Variants in GPC6 observed in about 807,000 individuals in gnomAD.
GPC6 encodes glypican-6.
Under a neutral mutation model 55.2 loss-of-function variants are expected in GPC6, and 14 were observed. The ratio of observed to expected loss-of-function variants is 0.25; its 90% CI spans 0.17 to 0.40. The LOEUF (loss-of-function observed/expected upper bound fraction) is 0.40, where lower values mean the gene tolerates loss of function less well. GPC6 is among the 10% of genes least tolerant of loss of function. The pLI is 1.00. For synonymous variants in GPC6, 278 were observed against 259.6 expected (o/e 1.07, Z -0.68); for missense variants, 641 against 708.5 (o/e 0.90, Z 1.08).
At chr13:93,633,026 C>T (rs1879526299) in intron 2 of GPC6, among the ~76,000 whole-genome samples, 1 of 152,102 alleles carries the variant, frequency 6.6e-6, no homozygotes, top group Admixed American at 6.6e-5. Flanking sequence ...TTTGATTTTT[C>T]AAAACAGATG....
At chr13:93,971,308 T>C (rs1038099179) in intron 3 of GPC6, among the ~76,000 whole-genome samples, 1 of 152,196 alleles carries the variant, frequency 6.6e-6, no homozygotes, top group African/African-American at 2.4e-5. Context: ...ATTCTCTATA[T>C]AATAGGAATG....
chr13:93,770,072 G>T (rs921091158), intron 2 of GPC6, among the ~76,000 whole-genome samples: 1 of 152,050 alleles, frequency 6.6e-6, no homozygotes, highest in Non-Finnish European at 1.5e-5. Context: ...CCCTATTTAG[G>T]GTTGAAGATG....
intron 2 of GPC6, among the ~76,000 whole-genome samples, chr13:93,712,709 C>G (rs1039935370): frequency 6.6e-6 from 1 of 151,438 alleles, no homozygotes. Flanking sequence ...TGTATGCCTA[C>G]CCAATTTATA....
At chr13:94,165,098 C>T (rs535034379) in intron 4 of GPC6, among the ~76,000 whole-genome samples, 1 of 151,856 alleles carries the variant, frequency 6.6e-6, no homozygotes, top group South Asian at 2.1e-4. Flanking sequence ...GCTGCACATA[C>T]ATGTTTATAG....
chr13:93,430,816 C>T (rs1877328277), intron 1 of GPC6, among the ~76,000 whole-genome samples: 1 of 152,130 alleles, frequency 6.6e-6, no homozygotes, highest in African/African-American at 2.4e-5. Flanking sequence ...AGCTATTCTA[C>T]ATTTGAAATT....
At chr13:93,521,877 A>G (rs1594233666) in intron 1 of GPC6, among the ~76,000 whole-genome samples, 2 of 152,056 alleles carry the variant, frequency 1.3e-5, no homozygotes, top group Non-Finnish European at 2.9e-5. Flanking sequence ...AGTTTATTTT[A>G]TCATATGCTA....
At chr13:93,566,153 G>C (rs1249368178) in intron 2 of GPC6, among the ~76,000 whole-genome samples, 1 of 152,170 alleles carries the variant, frequency 6.6e-6, no homozygotes, top group Non-Finnish European at 1.5e-5. Flanking sequence ...AAGAGGCAGA[G>C]ATATGCTGTA....
intron 4 of GPC6, among the ~76,000 whole-genome samples, chr13:94,217,833 A>G (rs1212174837): frequency 6.6e-6 from 1 of 152,188 alleles, no homozygotes; most frequent in African/African-American, 2.4e-5. Flanking sequence ...AAATGACTTA[A>G]TCTCTCAAGG....
At chr13:93,532,918 A>C (rs1290630860) in intron 1 of GPC6, among the ~76,000 whole-genome samples, 1 of 152,194 alleles carries the variant, frequency 6.6e-6, no homozygotes, top group Non-Finnish European at 1.5e-5. Flanking sequence ...TAGCATTTAA[A>C]GTTTTTATCA....
chr13:94,118,082 G>C (rs1886496335), intron 4 of GPC6, among the ~76,000 whole-genome samples: 1 of 152,030 alleles, frequency 6.6e-6, no homozygotes, highest in African/African-American at 2.4e-5. Flanking sequence ...GAATATGGAA[G>C]AAATATGAAG....
chr13:93,440,380 T>C (rs984708795), intron 1 of GPC6, among the ~76,000 whole-genome samples: 22 of 152,236 alleles, frequency 1.4e-4, no homozygotes, highest in African/African-American at 4.6e-4. Flanking sequence ...TTTTCATCTG[T>C]GGGTTTTATT....
intron 6 of GPC6, among the ~76,000 whole-genome samples, chr13:94,327,758 T>C (rs1441317335): frequency 2.6e-5 from 4 of 152,212 alleles, no homozygotes; most frequent in Non-Finnish European, 4.4e-5. Context: ...GGAAGTGTGA[T>C]ACCCAGTAAA....
At chr13:94,103,373 A>G (rs899540970) in intron 4 of GPC6, among the ~76,000 whole-genome samples, 1 of 152,210 alleles carries the variant, frequency 6.6e-6, no homozygotes, top group East Asian at 1.9e-4. Context: ...TTATAGCACC[A>G]TGATTTATAA....
intron 1 of GPC6, among the ~76,000 whole-genome samples, chr13:93,319,046 C>T (rs1417208000): frequency 6.6e-6 from 1 of 152,026 alleles, no homozygotes; most frequent in Non-Finnish European, 1.5e-5. Context: ...TGAGATATCC[C>T]ATCAATTACT....
chr13:94,280,063 T>C (rs938056919), intron 4 of GPC6, among the ~76,000 whole-genome samples: 2 of 152,180 alleles, frequency 1.3e-5, no homozygotes, highest in Non-Finnish European at 2.9e-5. Context: ...CCACTATTAT[T>C]GTGTGAGAGT....
At position 93,951,857 on chromosome 13, in the gene GPC6, G is replaced by A. The variant is rs143048163; in HGVS notation, c.712-75872G>A. ...GGAAGATTCCTGGAGATCATTAGAAGCAAAGGATGAAACAGTGGACATGTT... is the reference window on the plus strand; with the variant it reads ...GGAAGATTCCTGGAGATCATTAGAAACAAAGGATGAAACAGTGGACATGTT... On this transcript the variant is annotated intron_variant, in intron 3 of 8. Coordinates refer to ENST00000377047, the MANE Select transcript of GPC6 (RefSeq NM_005708.5). Among the ~76,000 whole-genome samples the A allele has an allele frequency of 2.2e-3, 331 of 152,206 alleles. 1 individual carries two copies. The highest frequency in any genetic ancestry group is 7.9e-3 in the African/African-American group (327 of 41,552).
intron 3 of GPC6, among the ~76,000 whole-genome samples, chr13:94,003,858 T>C (rs946224877): frequency 2.0e-5 from 3 of 152,190 alleles, no homozygotes; most frequent in African/African-American, 4.8e-5. Context: ...AGTCTCACTT[T>C]TGAAATTGGA....
chr13:93,667,748 T>TTTTTTTTTTTTTC (rs1555322121), intron 2 of GPC6, among the ~76,000 whole-genome samples: 44 of 151,314 alleles, frequency 2.9e-4, no homozygotes, highest in African/African-American at 1.0e-3. Flanking sequence ...TTTTTTTTTT[T>TTTTTTTTTTTTTC]CTGTCAAATT....
At chr13:93,602,027 C>A (rs1449653653) in intron 2 of GPC6, among the ~76,000 whole-genome samples, 1 of 152,050 alleles carries the variant, frequency 6.6e-6, no homozygotes, top group Admixed American at 6.6e-5. Context: ...TTAATGGCCC[C>A]CATGTGATTC....
Sources: gnomAD v4.1 joint callset for allele counts (sites outside exome capture counted in the v4.1 genomes callset) on GRCh38, gnomAD v4.1.1 for gene constraint, MANE v1.5 for transcripts, NCBI Gene and HGNC (gene_info 2026-07-23, HGNC 2026-07-21) for gene names.